Variants in DCC observed in about 807,000 individuals in gnomAD.
The protein encoded by DCC is DCC netrin 1 receptor.
DCC carries 58 observed loss-of-function variants against 172.5 expected under a neutral mutation model. The ratio of observed to expected loss-of-function variants is 0.34; its 90% CI spans 0.27 to 0.42. The LOEUF is 0.42. DCC is among the 10% of genes least tolerant of loss of function. The pLI is 1.00. For missense variants in DCC, 1,740 were observed against 1,791.0 expected, an observed-to-expected ratio of 0.97 and a Z score of 0.51; for synonymous variants, 709 against 644.5, an observed-to-expected ratio of 1.10 and a Z score of -1.52.
chr18:52,570,123 C>T (rs896184712), intron 1 of DCC, among the ~76,000 whole-genome samples: 1 of 152,088 alleles, frequency 6.6e-6, no homozygotes, highest in Non-Finnish European at 1.5e-5. Context: ...ATTTATTAAG[C>T]GCATTTTATT....
chr18:52,420,905 AT>A (rs1403950167), intron 1 of DCC, among the ~76,000 whole-genome samples: 1 of 152,106 alleles, frequency 6.6e-6, no homozygotes, highest in East Asian at 1.9e-4. Flanking sequence ...TGTGATGGTA[AT>A]GTTTAAAAGT....
chr18:53,418,905 A>G (rs919405899), intron 21 of DCC, among the ~76,000 whole-genome samples: 2 of 152,186 alleles, frequency 1.3e-5, no homozygotes, highest in African/African-American at 4.8e-5. Context: ...GAAATATAGC[A>G]TTTTTAAAAC....
chr18:52,805,663 G>A (rs1389953171), intron 2 of DCC, among the ~76,000 whole-genome samples: 1 of 152,158 alleles, frequency 6.6e-6, no homozygotes, highest in East Asian at 1.9e-4. Flanking sequence ...ACTACTTTCA[G>A]TAAAGTCTAC....
At chr18:52,423,650 T>C (rs1047877926) in intron 1 of DCC, among the ~76,000 whole-genome samples, 6 of 152,160 alleles carry the variant, frequency 3.9e-5, no homozygotes, top group South Asian at 2.1e-4. Flanking sequence ...TACACATATG[T>C]GCTGAGGGTT....
chr18:53,308,045 A>T (rs1461516663), intron 13 of DCC, among the ~76,000 whole-genome samples: 1 of 150,044 alleles, frequency 6.7e-6, no homozygotes, highest in African/African-American at 2.4e-5. Context: ...TCCAAATTCT[A>T]CGAGTTTATC....
chr18:52,612,725 A>T (rs1474754938), intron 1 of DCC, among the ~76,000 whole-genome samples: 1 of 152,124 alleles, frequency 6.6e-6, no homozygotes, highest in Non-Finnish European at 1.5e-5. Flanking sequence ...CATTTACTTA[A>T]ATGGATTTGA....
At chr18:53,411,429 A>G (rs1909983217) in intron 20 of DCC, among the ~76,000 whole-genome samples, 1 of 152,186 alleles carries the variant, frequency 6.6e-6, no homozygotes, top group African/African-American at 2.4e-5. Flanking sequence ...GTGTTGTTCT[A>G]AAGAAGGATA....
At chr18:53,494,139 G>C (rs1277784896) in intron 26 of DCC, among the ~76,000 whole-genome samples, 2 of 152,210 alleles carry the variant, frequency 1.3e-5, no homozygotes, top group Non-Finnish European at 2.9e-5. Context: ...GTGTGGTTTT[G>C]AGTGAGTTTC....
At chr18:52,377,858 C>T (rs889432331) in intron 1 of DCC, among the ~76,000 whole-genome samples, 8 of 151,992 alleles carry the variant, frequency 5.3e-5, no homozygotes, top group South Asian at 2.1e-4. Context: ...ATGCATGCAC[C>T]GCCACTAATT....
At chr18:52,367,673 T>C (rs1984939731) in intron 1 of DCC, among the ~76,000 whole-genome samples, 1 of 152,244 alleles carries the variant, frequency 6.6e-6, no homozygotes, top group East Asian at 1.9e-4. Context: ...TTAGCTAATC[T>C]AGTGCCTAAG....
chr18:52,967,132 A>C (rs1253412461), intron 5 of DCC, among the ~76,000 whole-genome samples: 2 of 152,176 alleles, frequency 1.3e-5, no homozygotes, highest in African/African-American at 4.8e-5. Flanking sequence ...TGTGGGTCTT[A>C]AGCCCTGGTA....
intron 5 of DCC, among the ~76,000 whole-genome samples, chr18:52,944,311 G>T (rs1275851029): frequency 1.3e-5 from 2 of 152,120 alleles, no homozygotes; most frequent in African/African-American, 2.4e-5. Context: ...TCTATACTTT[G>T]TAGGAAATGA....
At chr18:52,747,397 G>A (rs1408551065) in intron 1 of DCC, among the ~76,000 whole-genome samples, 1 of 152,206 alleles carries the variant, frequency 6.6e-6, no homozygotes, top group South Asian at 2.1e-4. Context: ...TTCTCCATTA[G>A]GTTTTCACCT....
intron 5 of DCC, among the ~76,000 whole-genome samples, chr18:52,954,301 G>GT (rs200322236): frequency 0.012 from 1,738 of 150,488 alleles, 27 homozygotes; most frequent in African/African-American, 0.038. Context: ...AATATCACTA[G>GT]TTTTTTTTTC....
chr18:52,622,486 A>G (rs1184750293), intron 1 of DCC, among the ~76,000 whole-genome samples: 1 of 152,208 alleles, frequency 6.6e-6, no homozygotes, highest in African/African-American at 2.4e-5. Flanking sequence ...CCAGGTTCCA[A>G]CTATGAGGAC....
intron 2 of DCC, among the ~76,000 whole-genome samples, chr18:52,834,670 C>T (rs1040005264): frequency 6.6e-6 from 1 of 151,982 alleles, no homozygotes; most frequent in Non-Finnish European, 1.5e-5. Flanking sequence ...TTTACAGAAC[C>T]ATTTACTGCT....
At chr18:53,354,738 G>T (rs2057857164) in intron 15 of DCC, among the ~76,000 whole-genome samples, 1 of 149,056 alleles carries the variant, frequency 6.7e-6, no homozygotes, top group Non-Finnish European at 1.5e-5. Flanking sequence ...AGTTTCTTTT[G>T]CTGTGCAGAA....
chr18:52,979,006 A>G (rs1598992936), intron 5 of DCC, among the ~76,000 whole-genome samples: 1 of 152,060 alleles, frequency 6.6e-6, no homozygotes, highest in Non-Finnish European at 1.5e-5. Context: ...GCAATTGTGA[A>G]TTGTGCTGTA....
intron 2 of DCC, among the ~76,000 whole-genome samples, chr18:52,851,379 G>T (rs923274456): frequency 7.2e-5 from 11 of 151,950 alleles, no homozygotes; most frequent in Non-Finnish European, 1.6e-4. Flanking sequence ...TCAGACAATA[G>T]AATTCCCAAA....
Sources: allele counts gnomAD v4.1 joint callset (sites outside exome capture counted in the v4.1 genomes callset), GRCh38; gene constraint gnomAD v4.1.1; transcripts MANE v1.5; gene names NCBI Gene and HGNC (gene_info 2026-07-23, HGNC 2026-07-21).